ADAMTS20: variants seen among roughly 807,000 people sequenced by gnomAD.
The protein encoded by ADAMTS20 is A disintegrin and metalloproteinase with thrombospondin motifs 20.
A neutral mutation model predicts 260.1 loss-of-function variants in ADAMTS20; 225 were observed. The ratio of observed to expected loss-of-function variants is 0.87; its 90% CI spans 0.78 to 0.97. The LOEUF is 0.97. Ranked by LOEUF, ADAMTS20 falls within the 50% of genes least tolerant of loss-of-function variation. ADAMTS20 has a pLI of 0.00. For synonymous variants in ADAMTS20, 802 were observed against 769.5 expected (o/e 1.04, Z -0.70); for missense variants, 2,400 against 2,337.7 (o/e 1.03, Z -0.55).
chr12:43,430,126 C>G (rs1235439607), intron 23 of ADAMTS20, among the ~76,000 whole-genome samples: 4 of 150,546 alleles, frequency 2.7e-5, no homozygotes, highest in African/African-American at 9.8e-5. Flanking sequence ...ATGAGTGAGC[C>G]CTTAGCAGAT....
At chr12:43,393,293 T>C (rs1477920885) in intron 29 of ADAMTS20, among the ~76,000 whole-genome samples, 1 of 152,086 alleles carries the variant, frequency 6.6e-6, no homozygotes. Flanking sequence ...AGGTAATGAA[T>C]GTAAAGGCAT....
rs757129815 is a variant in ADAMTS20, at chr12:43,492,609, A to T, written c.972T>A (p.Phe324Leu). The change falls in exon 6 of 39, where the codon TTT becomes TTA. Residue 324 changes from phenylalanine (F) to leucine (L), a missense_variant. By Grantham distance (22) the Phe-to-Leu change is conservative. Transcript: ENST00000389420. ...AGTTCTTTAATGTGGTAGCACCATCAAAATTAATGACTGGTCCTTCCTATG... is the reference window on the plus strand; with the variant it reads ...AGTTCTTTAATGTGGTAGCACCATCTAAATTAATGACTGGTCCTTCCTATG... ...HREEEGPVIN[F>L]DGATTLKNFC... 1 of 1,613,846 alleles carries T rather than the reference A, an allele frequency of 6.2e-7. No individual in the cohort carries two copies. The highest frequency in any genetic ancestry group is 1.3e-5 in the African/African-American group (1 of 75,056).
intron 3 of ADAMTS20, among the ~76,000 whole-genome samples, chr12:43,526,494 G>C (rs902317343): frequency 1.2e-4 from 19 of 152,004 alleles, no homozygotes; most frequent in Admixed American, 8.5e-4. Flanking sequence ...TATCTTCTCA[G>C]ACCACAGTGA....
In ADAMTS20 at chr12:43,432,746, A is replaced by G. The variant is rs779060689; in HGVS notation, c.2786T>C (p.Ile929Thr). 1.2e-6 allele frequency: 2 copies of G among 1,613,986 alleles called. No individual in the cohort carries two copies. Among genetic ancestry groups the G allele is most frequent in the Admixed American group, 1.7e-5 (1 of 60,024 alleles). ...ATGAATGGAATACTTCATGCAATGG[A>G]TGTCCAAGGTTCTATATCCTTGACC... is the stretch of plus-strand genomic sequence containing the variant. ...QCGQGYRTLDIHCMKYSIHEG... is the reference protein window; with the variant it reads ...QCGQGYRTLDTHCMKYSIHEG... The change falls in exon 20 of 39, where the codon ATC (isoleucine) becomes ACC (threonine). Residue 929 changes from isoleucine to threonine, a missense_variant. Ile to Thr is a moderately conservative substitution (Grantham distance 89). Transcript: ENST00000389420.
chr12:43,549,498 A>G (rs1350686801), intron 2 of ADAMTS20, among the ~76,000 whole-genome samples: 1 of 152,172 alleles, frequency 6.6e-6, no homozygotes, highest in Non-Finnish European at 1.5e-5. Context: ...CTACATCAAC[A>G]TTATGAATCA....
chr12:43,419,310 A>T (rs1941186690), intron 28 of ADAMTS20, among the ~76,000 whole-genome samples: 1 of 152,106 alleles, frequency 6.6e-6, no homozygotes, highest in Non-Finnish European at 1.5e-5. Context: ...AAATGACTTA[A>T]AAATGTTTAT....
intron 3 of ADAMTS20, among the ~76,000 whole-genome samples, chr12:43,523,711 T>C (rs1409543270): frequency 1.3e-5 from 2 of 152,104 alleles, no homozygotes; most frequent in Admixed American, 1.3e-4. Context: ...TAGAGGAAGC[T>C]ATGCTCTCCT....
chr12:43,459,569 T>A (rs1051970128), intron 11 of ADAMTS20, among the ~76,000 whole-genome samples: 1 of 152,218 alleles, frequency 6.6e-6, no homozygotes, highest in Non-Finnish European at 1.5e-5. Context: ...GACCCCCTGG[T>A]AATATTGTCT....
rs1943513910 is a variant in ADAMTS20, at chr12:43,551,345, C to A, written c.92-75G>T. ...CCAACTCTAAACTTCTTCCACCAAACGTCCCCGCTAAAGGTCCCAGGTCCC... is the reference window on the plus strand; with the variant it reads ...CCAACTCTAAACTTCTTCCACCAAAAGTCCCCGCTAAAGGTCCCAGGTCCC... On this transcript the variant is annotated intron_variant, in intron 1 of 38. Transcript: ENST00000389420. The surrounding 1 kb of genome is among the most constrained non-coding windows in gnomAD (Gnocchi z 4.6). 2 of 1,531,162 alleles carry A rather than the reference C, an allele frequency of 1.3e-6. No homozygotes were observed. Among genetic ancestry groups the A allele is most frequent in the African/African-American group, 1.4e-5 (1 of 72,966 alleles). The allele number at this position is 1,531,162 out of a possible 1,614,324, so 94.8% of individuals were successfully genotyped here.
Position 43,428,759 on chromosome 12 carries a change from A to T in ADAMTS20, c.3530T>A (p.Val1177Glu), listed in dbSNP as rs1025344764. 53 of 1,610,460 alleles carry T rather than the reference A, an allele frequency of 3.3e-5. No homozygotes were observed. The Admixed American group carries it at 8.9e-4, about 27-fold the overall frequency. The change falls in exon 25 of 39, where the codon GTA becomes GAA. Residue 1177 changes from valine to glutamate, a missense_variant. Coordinates refer to ENST00000389420, the MANE Select transcript of ADAMTS20 (RefSeq NM_025003.5). ...SCGRGTQARY[V>E]SCRDALDRIA... ...TCTATCAAGAGCATCACGACAGCTTACATAGCGGGCTTGAGTACCTCTTCC... is the reference window on the plus strand; with the variant it reads ...TCTATCAAGAGCATCACGACAGCTTTCATAGCGGGCTTGAGTACCTCTTCC...
At chr12:43,529,579 C>T (rs1284418873) in intron 3 of ADAMTS20, among the ~76,000 whole-genome samples, 1 of 152,100 alleles carries the variant, frequency 6.6e-6, no homozygotes, top group Non-Finnish European at 1.5e-5. Flanking sequence ...CATACGTTCT[C>T]ACTTATAAGT....
chr12:43,364,167 C>T (rs552493608), intron 37 of ADAMTS20, among the ~76,000 whole-genome samples: 5 of 152,188 alleles, frequency 3.3e-5, no homozygotes, highest in African/African-American at 4.8e-5. Flanking sequence ...ATAGAATTCA[C>T]TGAAACAGTT....
chr12:43,550,557 G>T (rs572975488), intron 2 of ADAMTS20, among the ~76,000 whole-genome samples: 1 of 152,148 alleles, frequency 6.6e-6, no homozygotes, highest in Non-Finnish European at 1.5e-5. Flanking sequence ...GCCTCAATAG[G>T]ACCACGAAAG....
intron 3 of ADAMTS20, among the ~76,000 whole-genome samples, chr12:43,508,781 G>C (rs1258294146): frequency 6.6e-6 from 1 of 151,998 alleles, no homozygotes; most frequent in Non-Finnish European, 1.5e-5. Flanking sequence ...TACTCTTTTA[G>C]TTATTTTGAA....
intron 26 of ADAMTS20, among the ~76,000 whole-genome samples, chr12:43,427,682 C>CT (rs1941359393): frequency 6.6e-6 from 1 of 152,104 alleles, no homozygotes; most frequent in African/African-American, 2.4e-5. Flanking sequence ...AAAGGTGGGA[C>CT]TTTCAAGTTT....
At chr12:43,474,561 C>T (rs1244989138) in intron 7 of ADAMTS20, among the ~76,000 whole-genome samples, 14 of 100,838 alleles carry the variant, frequency 1.4e-4, no homozygotes, top group African/African-American at 5.2e-4. Context: ...GACCAATATC[C>T]TTGATGAACA....
intron 38 of ADAMTS20, 134 bp downstream of exon 38, chr12:43,356,350 T>TAATATACCCATTATATGC: frequency 5.2e-6 from 3 of 573,512 alleles, no homozygotes; most frequent in Non-Finnish European, 9.4e-6. Context: ...CCATTATATG[T>TAATATACCCATTATATGC]AATATACCCA....
chr12:43,529,051 T>A (rs553039453), intron 3 of ADAMTS20, among the ~76,000 whole-genome samples: 8 of 152,184 alleles, frequency 5.3e-5, no homozygotes, highest in Non-Finnish European at 7.4e-5. Context: ...TATGAAAAAG[T>A]GCTCAACATC....
intron 2 of ADAMTS20, among the ~76,000 whole-genome samples, chr12:43,541,319 G>A (rs1195944937): frequency 2.0e-5 from 3 of 152,094 alleles, no homozygotes; most frequent in Non-Finnish European, 2.9e-5. Flanking sequence ...TTATATCTTT[G>A]ACCTTCAGTT....
Sources: allele counts gnomAD v4.1 joint callset (sites outside exome capture counted in the v4.1 genomes callset), GRCh38; gene constraint gnomAD v4.1.1; non-coding constraint Gnocchi (gnomAD v3.1); transcripts MANE v1.5; gene names NCBI Gene and HGNC (gene_info 2026-07-23, HGNC 2026-07-21).